KANK1: variants seen among roughly 807,000 people sequenced by gnomAD.
KANK1 encodes KN motif and ankyrin repeat domains 1, also known as KN motif and ankyrin repeat domain-containing protein 1.
In KANK1, 109 loss-of-function variants were observed where a neutral mutation model predicts 106.2. The ratio of observed to expected loss-of-function variants is 1.03; its 90% CI spans 0.88 to 1.20. The LOEUF (loss-of-function observed/expected upper bound fraction) is 1.20, where lower values mean the gene tolerates loss of function less well. Among genes scored for constraint, KANK1 ranks in the 50% most tolerant of loss-of-function variants. The pLI is 0.00. For missense variants in KANK1, 2,399 were observed against 1,710.7 expected (o/e 1.40, Z -7.10); for synonymous variants, 873 against 652.2 (o/e 1.34, Z -5.16).
In KANK1 at chr9:730,221, G is replaced by C; in HGVS notation, c.2869G>C (p.Asp957His). The C allele has an allele frequency of 6.2e-7, 1 of 1,614,210 alleles. No homozygotes were observed. Among genetic ancestry groups the C allele is most frequent in the African/African-American group, 1.3e-5 (1 of 75,056 alleles). Residue 957 changes from aspartate (D) to histidine (H), a missense_variant, in exon 4 of 12, where the codon GAC becomes CAC. Coordinates refer to ENST00000382297, the MANE Select transcript of KANK1 (RefSeq NM_015158.5). ...TACGCTGTCTCCAGTGAACCTGACA[G>C]ACGACCAGATCGCCGCTGGCCTCTA... ...EGTLSPVNLT[D>H]DQIAAGLYAC...
chr9:705,209 G>C (rs1274005514), intron 2 of KANK1, among the ~76,000 whole-genome samples: 2 of 152,142 alleles, frequency 1.3e-5, no homozygotes, highest in Non-Finnish European at 2.9e-5. Context: ...CTGTTGGCCA[G>C]GCACAGTGGC....
chr9:487,975 G>A (rs1487610888), intron 3 of KANK1, among the ~76,000 whole-genome samples: 1 of 152,090 alleles, frequency 6.6e-6, no homozygotes, highest in East Asian at 1.9e-4. Flanking sequence ...GTCTGCCTTC[G>A]GGATATGTGA....
rs542863211 is a variant in KANK1 at position 667,819 on chromosome 9, C to T, written c.-83-9071C>T. ...GCAGTGGTGCAATCTGCAACCTCCA[C>T]CTCCTGGGTTCAAGTGATTCTCCTG... On this transcript the variant is annotated intron_variant, in intron 1 of 11. Transcript: ENST00000382297. Among the ~76,000 whole-genome samples the T allele has an allele frequency of 7.9e-5, 12 of 151,462 alleles. No individual in the cohort carries two copies. In the South Asian group the frequency reaches 8.3e-4, roughly 11 times the overall value.
intron 2 of KANK1, among the ~76,000 whole-genome samples, chr9:701,236 C>G (rs1006289116): frequency 1.1e-4 from 16 of 152,206 alleles, no homozygotes; most frequent in African/African-American, 3.9e-4. Flanking sequence ...GCCTCAGCCT[C>G]GCAAGTACCT....
chr9:648,553 G>A (rs1188592113), intron 1 of KANK1, among the ~76,000 whole-genome samples: 6 of 152,044 alleles, frequency 3.9e-5, no homozygotes, highest in Non-Finnish European at 8.8e-5. Context: ...CTCTGAGCGC[G>A]AGGCTCTCAG....
chr9:506,211 A>G (rs181931298), intron 1 of KANK1, among the ~76,000 whole-genome samples: 1 of 152,284 alleles, frequency 6.6e-6, no homozygotes, highest in East Asian at 1.9e-4. Context: ...CTACTTAGGA[A>G]GTTTTTCTAA....
chr9:501,157 A>C (rs949069063), upstream of KANK1, among the ~76,000 whole-genome samples: 12 of 152,210 alleles, frequency 7.9e-5, no homozygotes, highest in African/African-American at 1.4e-4. Context: ...TGGAAAATAT[A>C]AATGAAATTC....
intron 1 of KANK1, among the ~76,000 whole-genome samples, chr9:570,158 T>C (rs1818815543): frequency 6.6e-6 from 1 of 152,246 alleles, no homozygotes; most frequent in South Asian, 2.1e-4. Context: ...TCATTGCTAC[T>C]TTGGAGAATG....
chr9:718,896 T>C (rs1178602026), intron 3 of KANK1, among the ~76,000 whole-genome samples: 2 of 151,306 alleles, frequency 1.3e-5, no homozygotes, highest in Non-Finnish European at 2.9e-5. Flanking sequence ...GAATAATCTC[T>C]ACTGCCTGTT....
At chr9:501,609 G>T (rs1351997189), upstream of KANK1, among the ~76,000 whole-genome samples, 1 of 125,266 alleles carries the variant, frequency 8.0e-6, no homozygotes. Context: ...CCCACGCACA[G>T]ACATACACAC....
chr9:711,514 AC>A lies in KANK1; in HGVS notation c.752del (p.Pro251GlnfsTer2). The A allele has an allele frequency of 1.2e-6, 2 of 1,613,698 alleles. No individual in the cohort carries two copies. Among genetic ancestry groups the A allele is most frequent in the South Asian group, 2.2e-5 (2 of 91,012 alleles). On this transcript the variant is annotated frameshift_variant, in exon 3 of 12. Transcript: ENST00000382297. LOFTEE classifies it high-confidence loss of function. ...CAGCCCCCTGAGCTCAGGGATCTCCACCCCAGTGACCAACGTGAGCCCCATG... is the reference window on the plus strand; with the variant it reads ...CAGCCCCCTGAGCTCAGGGATCTCCACCCAGTGACCAACGTGAGCCCCATG... ...RHSPLSSGISTPVTNVSPMHL... is the reference protein window; with the variant it reads ...RHSPLSSGISXPVTNVSPMHL...
At chr9:582,060 C>T (rs1284520189) in intron 1 of KANK1, among the ~76,000 whole-genome samples, 4 of 152,146 alleles carry the variant, frequency 2.6e-5, no homozygotes, top group Non-Finnish European at 4.4e-5. Context: ...ATTGGAACTC[C>T]CCCTGCCCCA....
intron 1 of KANK1, among the ~76,000 whole-genome samples, chr9:561,740 T>G (rs1358790734): frequency 6.6e-6 from 1 of 152,242 alleles, no homozygotes; most frequent in African/African-American, 2.4e-5. Context: ...AAAAAATGCA[T>G]GAAAGTTTTA....
chr9:565,559 G>A (rs1191248505), intron 1 of KANK1, among the ~76,000 whole-genome samples: 2 of 152,162 alleles, frequency 1.3e-5, no homozygotes, highest in South Asian at 2.1e-4. Context: ...AGGATAGTTC[G>A]GTGGACAGGG....
intron 3 of KANK1, among the ~76,000 whole-genome samples, chr9:479,987 T>C (rs1038489059): frequency 6.6e-6 from 1 of 152,236 alleles, no homozygotes; most frequent in Non-Finnish European, 1.5e-5. Flanking sequence ...ATGGGTTTTT[T>C]CCCTTCTCAG....
At chr9:515,715 A>G (rs2059251464) in intron 1 of KANK1, among the ~76,000 whole-genome samples, 1 of 151,844 alleles carries the variant, frequency 6.6e-6, no homozygotes, top group African/African-American at 2.4e-5. Flanking sequence ...ATAAATGTAA[A>G]AGAAAACTTG....
intron 1 of KANK1, among the ~76,000 whole-genome samples, chr9:518,364 C>T (rs1036808921): frequency 2.0e-5 from 3 of 151,568 alleles, no homozygotes; most frequent in African/African-American, 7.3e-5. Flanking sequence ...GTTGTGTCAT[C>T]CCGAGCCTCC....
intron 1 of KANK1, among the ~76,000 whole-genome samples, chr9:512,732 A>T (rs1426512829): frequency 1.3e-5 from 2 of 152,160 alleles, no homozygotes; most frequent in African/African-American, 2.4e-5. Flanking sequence ...TGGGAGTGTC[A>T]AAGAATTTGC....
At position 569,065 on chromosome 9, in the gene KANK1, T is replaced by C. The variant is rs186894766; in HGVS notation, c.-84+64311T>C. Among the ~76,000 whole-genome samples the C allele has an allele frequency of 5.1e-3, 782 of 152,246 alleles. 6 individuals are homozygous for C. Among genetic ancestry groups the C allele is most frequent in the Admixed American group, 0.01 (154 of 15,294 alleles). On this transcript the variant is annotated intron_variant, in intron 1 of 11. Coordinates refer to ENST00000382297, the MANE Select transcript of KANK1 (RefSeq NM_015158.5). Reference sequence around the variant, plus strand: ...TGGGGACCAGCTCCACTGTGGGGCATTGGGAGGCTGTTAGTGCAGAGGTAT... The same window carrying C: ...TGGGGACCAGCTCCACTGTGGGGCACTGGGAGGCTGTTAGTGCAGAGGTAT...
Sources: gnomAD v4.1 joint callset for allele counts (sites outside exome capture counted in the v4.1 genomes callset) on GRCh38, gnomAD v4.1.1 for gene constraint, MANE v1.5 for transcripts, NCBI Gene and HGNC (gene_info 2026-07-23, HGNC 2026-07-21) for gene names.